The following PLCXD2 variants were observed in gnomAD, a reference collection of about 807,000 sequenced individuals.
PLCXD2 encodes the protein phosphatidylinositol specific phospholipase C X domain containing 2.
PLCXD2 carries 21 observed loss-of-function variants against 28.6 expected under a neutral mutation model. The ratio of observed to expected loss-of-function variants is 0.73; its 90% CI spans 0.52 to 1.06. PLCXD2 has a LOEUF of 1.06. Ranked by LOEUF, PLCXD2 falls within the 50% of genes least tolerant of loss-of-function variation. PLCXD2 has a pLI of 0.00. For missense variants in PLCXD2, 369 were observed against 376.7 expected (o/e 0.98, Z 0.17); for synonymous variants, 140 against 150.1 (o/e 0.93, Z 0.49).
chr3:111,705,256 A>G (rs972611775), intron 1 of PLCXD2, among the ~76,000 whole-genome samples: 2 of 152,192 alleles, frequency 1.3e-5, no homozygotes, highest in African/African-American at 4.8e-5. Flanking sequence ...GAGTGACAAT[A>G]TGTAATATTT....
In PLCXD2 at chr3:111,714,129, G is replaced by A; in HGVS notation, c.866+1G>A. The A allele has an allele frequency of 1.2e-6, 2 of 1,612,302 alleles. No individual in the cohort carries two copies. Among genetic ancestry groups the A allele is most frequent in the Non-Finnish European group, 1.7e-6 (2 of 1,179,068 alleles). On this transcript the variant is annotated splice_donor_variant, in intron 3 of 4. Transcript: ENST00000477665. LOFTEE classifies it high-confidence loss of function. ...GCCTCAAGAACACGCTGGTTCATAGGTAAGAATTTGCTTCCACCCCACAAG... is the reference window on the plus strand; with the variant it reads ...GCCTCAAGAACACGCTGGTTCATAGATAAGAATTTGCTTCCACCCCACAAG...
At chr3:111,711,225 G>A (rs1941195255) in intron 2 of PLCXD2, among the ~76,000 whole-genome samples, 1 of 152,076 alleles carries the variant, frequency 6.6e-6, no homozygotes, top group Admixed American at 6.6e-5. Flanking sequence ...CCAACGTGGT[G>A]AAACCCCATC....
intron 3 of PLCXD2, chr3:111,721,017 C>G: frequency 2.5e-6 from 1 of 398,902 alleles, no homozygotes; most frequent in East Asian, 3.6e-5. Context: ...CCCTTCCTCA[C>G]AGGGCCATTT....
chr3:111,677,564 A>C (rs1210393749), intron 1 of PLCXD2: 1 of 152,238 alleles, frequency 6.6e-6, no homozygotes, highest in African/African-American at 2.4e-5. Flanking sequence ...TCCATGAAGT[A>C]GGTATTAACA....
At chr3:111,712,507 G>A (rs16858451) in intron 2 of PLCXD2, among the ~76,000 whole-genome samples, 7 of 152,248 alleles carry the variant, frequency 4.6e-5, no homozygotes, top group Middle Eastern at 3.4e-3. Flanking sequence ...TTAACACACC[G>A]GTTTACCACA....
intron 1 of PLCXD2, among the ~76,000 whole-genome samples, chr3:111,692,277 T>C (rs1283721518): frequency 6.6e-6 from 1 of 152,168 alleles, no homozygotes; most frequent in African/African-American, 2.4e-5. Flanking sequence ...TCTCCTGACC[T>C]TGTGATCCGC....
chr3:111,703,617 A>G (rs1278939244), intron 1 of PLCXD2, among the ~76,000 whole-genome samples: 3 of 152,234 alleles, frequency 2.0e-5, no homozygotes, highest in African/African-American at 7.2e-5. Context: ...TCAATCCTGA[A>G]CAGCTGGGCT....
At chr3:111,725,827 C>T (rs1941408363) in intron 3 of PLCXD2, 1 of 398,460 alleles carries the variant, frequency 2.5e-6, no homozygotes, top group African/African-American at 2.1e-5. Flanking sequence ...GAGGCATATT[C>T]TGTGTCATTC....
intron 2 of PLCXD2, among the ~76,000 whole-genome samples, chr3:111,708,677 G>T (rs1021585623): frequency 2.0e-5 from 3 of 151,434 alleles, no homozygotes; most frequent in African/African-American, 7.3e-5. Flanking sequence ...GGGCCAATAG[G>T]TCATTACTAT....
chr3:111,708,688 TC>T (rs34873993), intron 2 of PLCXD2, among the ~76,000 whole-genome samples: 7,900 of 152,228 alleles, frequency 0.052, 266 homozygotes, highest in Middle Eastern at 0.075. Flanking sequence ...TCATTACTAT[TC>T]TCTGTTTCCC....
intron 1 of PLCXD2, among the ~76,000 whole-genome samples, chr3:111,684,215 A>G (rs998971157): frequency 2.6e-5 from 4 of 151,548 alleles, no homozygotes; most frequent in African/African-American, 9.7e-5. Flanking sequence ...CTGTAGTCCC[A>G]GCTACTCGGG....
Position 111,711,859 on chromosome 3 carries a change from C to T in PLCXD2, c.625-2028C>T, listed in dbSNP as rs557559557. On this transcript the variant is annotated intron_variant, in intron 2 of 4. Transcript: ENST00000477665. ...GTAATAAATCAGTTGAAAAGTAGAA[C>T]GTAGCATTAAGTCTATATCCCAGAG... is the stretch of plus-strand genomic sequence containing the variant. Among the ~76,000 whole-genome samples, 9 of 152,190 alleles carry T rather than the reference C, an allele frequency of 5.9e-5. No individual in the cohort carries two copies. In the East Asian group the frequency reaches 7.7e-4, roughly 13 times the overall value.
intron 1 of PLCXD2, among the ~76,000 whole-genome samples, chr3:111,679,599 T>C (rs1407736145): frequency 1.2e-4 from 18 of 152,346 alleles, no homozygotes; most frequent in Admixed American, 7.2e-4. Flanking sequence ...CTGTTTTTCA[T>C]TGTGATCAGA....
rs11922253 is a variant in PLCXD2, at chr3:111,710,746, G to C, written c.624+2360G>C. ...AGAGAATTAGCAGAATGGGAGAAAG[G>C]GATGGAGAGCTTTGGAATTTGGGGA... is the stretch of plus-strand genomic sequence containing the variant. On this transcript the variant is annotated intron_variant, in intron 2 of 4. Transcript: ENST00000477665. 8.2e-3 allele frequency among the ~76,000 whole-genome samples: 1,255 copies of C among 152,268 alleles called. 22 individuals are homozygous for C. Among genetic ancestry groups the C allele is most frequent in the African/African-American group, 0.028 (1,174 of 41,548 alleles).
chr3:111,691,735 C>A (rs1940881087), intron 1 of PLCXD2, among the ~76,000 whole-genome samples: 1 of 152,176 alleles, frequency 6.6e-6, no homozygotes, highest in Non-Finnish European at 1.5e-5. Context: ...GTCTGACAGA[C>A]CTGGGTCTAT....
At chr3:111,677,891 A>G (rs1576451330) in intron 1 of PLCXD2, among the ~76,000 whole-genome samples, 1 of 152,224 alleles carries the variant, frequency 6.6e-6, no homozygotes, top group African/African-American at 2.4e-5. Flanking sequence ...ACTTGTGTAC[A>G]TATATACATA....
At chr3:111,682,566 T>C (rs1940733378) in intron 1 of PLCXD2, among the ~76,000 whole-genome samples, 1 of 152,174 alleles carries the variant, frequency 6.6e-6, no homozygotes, top group Non-Finnish European at 1.5e-5. Context: ...AATGCAAATG[T>C]CTTGGAGTGT....
At chr3:111,687,915 C>T (rs1940819218) in intron 1 of PLCXD2, among the ~76,000 whole-genome samples, 1 of 152,118 alleles carries the variant, frequency 6.6e-6, no homozygotes, top group Non-Finnish European at 1.5e-5. Context: ...TCAAGCGATC[C>T]TCTCGCAATG....
At chr3:111,697,079 G>A (rs1487337563) in intron 1 of PLCXD2, among the ~76,000 whole-genome samples, 2 of 152,062 alleles carry the variant, frequency 1.3e-5, no homozygotes, top group South Asian at 2.1e-4. Flanking sequence ...CTCCAAACAC[G>A]TCTGTAGATA....
Sources: gnomAD v4.1 joint callset for allele counts (sites outside exome capture counted in the v4.1 genomes callset) on GRCh38, gnomAD v4.1.1 for gene constraint, MANE v1.5 for transcripts, NCBI Gene and HGNC (gene_info 2026-07-23, HGNC 2026-07-21) for gene names.